XIRP2: variants seen among roughly 807,000 people sequenced by gnomAD.
The protein encoded by XIRP2 is xin actin binding repeat containing 2.
A neutral mutation model predicts 277.0 loss-of-function variants in XIRP2; 236 were observed. The observed-to-expected ratio is 0.85, with a 90% CI of 0.77 to 0.95. The LOEUF is 0.95. XIRP2 is among the 40% of genes least tolerant of loss of function. The pLI is 0.00. For synonymous variants in XIRP2, 1,490 were observed against 1,416.5 expected, an observed-to-expected ratio of 1.05 and a Z score of -1.17; for missense variants, 4,640 against 4,157.5, an observed-to-expected ratio of 1.12 and a Z score of -3.19.
At position 167,247,706 on chromosome 2, in the gene XIRP2, T is replaced by C; in HGVS notation, c.6314T>C (p.Leu2105Pro). ...GAATCAGACAGGGCAGTGAGAGAGC[T>C]GAAGAAGGATGATGTCTTTAATTCC... is the stretch of plus-strand genomic sequence containing the variant. ...TKESDRAVRE[L>P]KKDDVFNSIQ... Residue 2105 changes from leucine to proline, a missense_variant, in exon 9 of 11, where the codon CTG becomes CCG. Physicochemically the swap from Leu to Pro is moderately conservative, Grantham distance 98 (BLOSUM62 -3). Transcript: ENST00000409195. The C allele has an allele frequency of 6.2e-7, 1 of 1,613,596 alleles. No homozygotes were observed. The highest frequency in any genetic ancestry group is 1.7e-5 in the Admixed American group (1 of 59,952).
intron 2 of XIRP2, among the ~76,000 whole-genome samples, chr2:166,964,681 G>C (rs906988731): frequency 9.2e-5 from 14 of 151,698 alleles, no homozygotes; most frequent in African/African-American, 3.1e-4. Context: ...GTGAATCTTT[G>C]GTTACCTCGA....
intron 2 of XIRP2, among the ~76,000 whole-genome samples, chr2:166,950,360 C>T (rs989324356): frequency 2.6e-5 from 4 of 151,712 alleles, no homozygotes; most frequent in Admixed American, 1.3e-4. Flanking sequence ...CCTTTCCGTT[C>T]GTGTATTTAA....
Position 167,249,840 on chromosome 2 carries a change from A to C in XIRP2, c.8448A>C (p.Pro2816=), listed in dbSNP as rs767307790. The change falls in exon 9 of 11, where the codon CCA becomes CCC. Residue 2816 remains proline (P), a synonymous_variant. Coordinates refer to ENST00000409195, the MANE Select transcript of XIRP2 (RefSeq NM_152381.6). ...GCGGATCTGACAGAGGGAAACTTCCAGGAAGTGAAGAAAAAAATCAGGGAC... is the reference window on the plus strand; with the variant it reads ...GCGGATCTGACAGAGGGAAACTTCCCGGAAGTGAAGAAAAAAATCAGGGAC... ...EFSGSDRGKL[P]GSEEKNQGPS... is the part of the protein sequence containing the mutation. 1 of 1,613,578 alleles carries C rather than the reference A, an allele frequency of 6.2e-7. No homozygotes were observed. The highest frequency in any genetic ancestry group is 8.5e-7 in the Non-Finnish European group (1 of 1,179,736).
intron 2 of XIRP2, among the ~76,000 whole-genome samples, chr2:166,939,298 A>G (rs1021405901): frequency 9.2e-5 from 14 of 152,000 alleles, no homozygotes; most frequent in Non-Finnish European, 1.8e-4. Flanking sequence ...TGGTGACAAA[A>G]TCTCTCAGCA....
chr2:167,166,269 C>T (rs1407802386), intron 3 of XIRP2, among the ~76,000 whole-genome samples: 1 of 152,018 alleles, frequency 6.6e-6, no homozygotes, highest in Non-Finnish European at 1.5e-5. Context: ...GGAATTTTCT[C>T]ATTTCATTCT....
chr2:167,122,889 A>C (rs975810026), intron 2 of XIRP2, among the ~76,000 whole-genome samples: 2 of 151,856 alleles, frequency 1.3e-5, no homozygotes, highest in African/African-American at 4.8e-5. Flanking sequence ...CAGTTTTTTT[A>C]TTTGGGTCTT....
intron 2 of XIRP2, among the ~76,000 whole-genome samples, chr2:167,080,172 A>G (rs1689691151): frequency 1.3e-5 from 2 of 152,174 alleles, no homozygotes; most frequent in African/African-American, 4.8e-5. Context: ...GTATTTAGCT[A>G]TTGTGTTGTT....
chr2:167,134,605 T>G (rs1202644926), intron 2 of XIRP2, among the ~76,000 whole-genome samples: 2 of 152,120 alleles, frequency 1.3e-5, no homozygotes, highest in Admixed American at 1.3e-4. Flanking sequence ...GGGGGTCATG[T>G]TACAAGGCCC....
chr2:167,221,460 CAAAAAAAAAA>C (rs57006710), intron 5 of XIRP2, among the ~76,000 whole-genome samples: 3 of 63,454 alleles, frequency 4.7e-5, no homozygotes, highest in East Asian at 5.5e-4. Flanking sequence ...AACTCCATCT[CAAAAAAAAAA>C]AAAAAAAAAA....
At chr2:167,096,817 A>G (rs778208219) in intron 2 of XIRP2, among the ~76,000 whole-genome samples, 1 of 152,152 alleles carries the variant, frequency 6.6e-6, no homozygotes, top group Non-Finnish European at 1.5e-5. Flanking sequence ...GTAGTCACTC[A>G]GGAGCAGGTT....
intron 3 of XIRP2, among the ~76,000 whole-genome samples, chr2:167,205,749 G>A (rs1324318052): frequency 6.6e-6 from 1 of 152,004 alleles, no homozygotes; most frequent in East Asian, 1.9e-4. Context: ...TATTGCACAT[G>A]GTACACCATT....
At chr2:167,223,469 A>G (rs7576938) in intron 5 of XIRP2, among the ~76,000 whole-genome samples, 22,940 of 152,220 alleles carry the variant, frequency 0.15, 2,141 homozygotes, top group African/African-American at 0.27. Flanking sequence ...AAGATTATGC[A>G]GATTTGGAAC....
At chr2:167,099,634 G>T (rs1389594547) in intron 2 of XIRP2, among the ~76,000 whole-genome samples, 2 of 152,106 alleles carry the variant, frequency 1.3e-5, no homozygotes, top group Admixed American at 6.5e-5. Context: ...GGCCCTTGTG[G>T]TGTAGGCACC....
At chr2:166,956,114 A>G (rs958527820) in intron 2 of XIRP2, among the ~76,000 whole-genome samples, 1 of 151,734 alleles carries the variant, frequency 6.6e-6, no homozygotes, top group Non-Finnish European at 1.5e-5. Context: ...AAAATATCAT[A>G]GGGTTTATCT....
At chr2:167,167,651 C>T (rs1692563386) in intron 3 of XIRP2, among the ~76,000 whole-genome samples, 1 of 152,040 alleles carries the variant, frequency 6.6e-6, no homozygotes, top group South Asian at 2.1e-4. Context: ...CCCTCCTATC[C>T]CTTGTATCAT....
rs750662907 is a variant in XIRP2, at chr2:167,249,864, A to G, written c.8472A>G (p.Gly2824=). 101 of 1,613,456 alleles carry G rather than the reference A, an allele frequency of 6.3e-5. No individual in the cohort carries two copies. Among genetic ancestry groups the G allele is most frequent in the Non-Finnish European group, 8.3e-5 (98 of 1,179,742 alleles). The change falls in exon 9 of 11, where the codon GGA becomes GGG. Residue 2824 remains glycine, a synonymous_variant. Transcript: ENST00000409195. ...CAGGAAGTGAAGAAAAAAATCAGGG[A>G]CCATCAATGATTGGTCGAAAAGAAG... is the stretch of plus-strand genomic sequence containing the variant. The part of the protein sequence containing the change: ...KLPGSEEKNQ[G]PSMIGRKEER...
intron 3 of XIRP2, among the ~76,000 whole-genome samples, chr2:167,190,902 C>A (rs1693309870): frequency 6.6e-6 from 1 of 151,904 alleles, no homozygotes; most frequent in Non-Finnish European, 1.5e-5. Flanking sequence ...TTTAAATGTT[C>A]CAAAGATAAA....
chr2:167,100,685 C>T (rs1001499978), intron 2 of XIRP2, among the ~76,000 whole-genome samples: 2 of 152,166 alleles, frequency 1.3e-5, no homozygotes, highest in South Asian at 4.1e-4. Context: ...AGCATCTTGC[C>T]TGAGTAATTG....
At position 167,083,717 on chromosome 2, in the gene XIRP2, C is replaced by G. The variant is rs375985060; in HGVS notation, c.409-52192C>G. On this transcript the variant is annotated intron_variant, in intron 2 of 10. Coordinates refer to ENST00000409195, the MANE Select transcript of XIRP2 (RefSeq NM_152381.6). ...TTCTCTTTGAAGCAATTGTGAATGGCAGTTCACTCATGATTTGGCTCTCTG... is the reference window on the plus strand; with the variant it reads ...TTCTCTTTGAAGCAATTGTGAATGGGAGTTCACTCATGATTTGGCTCTCTG... 7.1e-3 allele frequency among the ~76,000 whole-genome samples: 1,088 copies of G among 152,208 alleles called. 13 individuals carry two copies. Among genetic ancestry groups the G allele is most frequent in the African/African-American group, 0.024 (1,000 of 41,510 alleles).
Sources: gnomAD v4.1 joint callset for allele counts (sites outside exome capture counted in the v4.1 genomes callset) on GRCh38, gnomAD v4.1.1 for gene constraint, MANE v1.5 for transcripts, NCBI Gene and HGNC (gene_info 2026-07-23, HGNC 2026-07-21) for gene names.